The following AMY2B variants were observed in gnomAD, a reference collection of about 807,000 sequenced individuals.
AMY2B encodes the protein amylase alpha 2B.
A neutral mutation model predicts 59.3 loss-of-function variants in AMY2B; 63 were observed. The ratio of observed to expected loss-of-function variants is 1.06; its 90% CI spans 0.87 to 1.31. The LOEUF (loss-of-function observed/expected upper bound fraction) is 1.31, where lower values mean the gene tolerates loss of function less well. Among genes scored for constraint, AMY2B ranks in the 50% most tolerant of loss-of-function variants. The pLI is 0.00. For missense variants in AMY2B, 635 were observed against 626.7 expected, an observed-to-expected ratio of 1.01 and a Z score of -0.14; for synonymous variants, 180 against 198.1, an observed-to-expected ratio of 0.91 and a Z score of 0.77.
At chr1:103,574,174 G>A (rs774089296) in intron 4 of AMY2B, 86 bp from the exon 5 acceptor site, 1 of 1,572,508 alleles carries the variant, frequency 6.4e-7, no homozygotes, top group East Asian at 2.3e-5. Context: ...ATAGCTTAAA[G>A]CTATCTTTTA....
upstream of AMY2B, chr1:103,569,660 G>T: frequency 1.3e-5 from 5 of 387,198 alleles, no homozygotes; most frequent in South Asian, 1.1e-4. Flanking sequence ...CATCATCGGT[G>T]CCCCCGGCAC....
chr1:103,577,872 A>G (rs1652427306), intron 9 of AMY2B, 27 bp downstream of exon 9: 1 of 1,597,864 alleles, frequency 6.3e-7, no homozygotes. Flanking sequence ...TAAAAATAAT[A>G]TTTTGTACCT....
chr1:103,570,427 T>C (rs1238032235), upstream of AMY2B: 2 of 875,712 alleles, frequency 2.3e-6, no homozygotes, highest in Non-Finnish European at 3.8e-6. Flanking sequence ...CGCAAAGACC[T>C]GTAGGCCAAC....
At chr1:103,557,975 C>A (rs907462258) in intron 1 of AMY2B, among the ~76,000 whole-genome samples, 1 of 152,094 alleles carries the variant, frequency 6.6e-6, no homozygotes, top group Admixed American at 6.5e-5. Context: ...TATTTAAACT[C>A]GCATTTCTTA....
In AMY2B at chr1:103,572,244, T is replaced by C. The variant is rs774146043; in HGVS notation, c.303T>C (p.Cys101=). 5.6e-6 allele frequency: 9 copies of C among 1,611,186 alleles called. No homozygotes were observed. In the East Asian group the frequency reaches 6.7e-5, roughly 12 times the overall value. ...EDEFRNMVTR[C]NNVGVRIYVD... is the part of the protein sequence containing the mutation. ...AATTTAGAAACATGGTGACTAGATG[T>C]AACAATGTTGGGGTAAGTGAATTCT... The change falls in exon 2 of 10, where the codon TGT becomes TGC. Residue 101 remains cysteine, a synonymous_variant. Transcript: ENST00000684275.
At chr1:103,564,588 T>C (rs186726357) in intron 1 of AMY2B, among the ~76,000 whole-genome samples, 5 of 152,250 alleles carry the variant, frequency 3.3e-5, no homozygotes, top group African/African-American at 1.2e-4. Context: ...ATCCAATATC[T>C]TTTTTGGTAT....
At position 103,566,246 on chromosome 1, in the gene AMY2B, G is replaced by A. The variant is rs561726844; in HGVS notation, c.-47+652G>A. On this transcript the variant is annotated intron_variant, in intron 2 of 11. Transcript: ENST00000361355. Reference sequence around the variant, plus strand: ...CAATTAAATCCTGAAGCACTTAATCGTAACCCTCTTAAAACTATGTTCATA... The same window carrying A: ...CAATTAAATCCTGAAGCACTTAATCATAACCCTCTTAAAACTATGTTCATA... Among the ~76,000 whole-genome samples the A allele has an allele frequency of 1.0e-3, 156 of 152,166 alleles. 1 individual carries two copies. The highest frequency in any genetic ancestry group is 3.3e-3 in the African/African-American group (138 of 41,526).
intron 1 of AMY2B, chr1:103,564,978 T>C (rs1356151126): frequency 6.6e-6 from 1 of 152,138 alleles, no homozygotes; most frequent in Non-Finnish European, 1.5e-5. Flanking sequence ...ATTTGACTCT[T>C]TATATTCTCT....
In AMY2B at chr1:103,577,723, C is replaced by T; in HGVS notation, c.1224C>T (p.Asn408=). ...VCEHRWRQIR[N]MVNFRNVVDG... The stretch of plus-strand genomic sequence containing the variant: ...TTATATGGTATTGTGTTTTTAGGAA[C>T]ATGGTTAATTTCCGCAATGTAGTGG... Residue 408 remains asparagine, a synonymous_variant, in exon 9 of 10, where the codon AAC becomes AAT. Transcript: ENST00000684275. The T allele has an allele frequency of 1.9e-6, 3 of 1,611,620 alleles. No individual in the cohort carries two copies. The Admixed American group carries it at 5.0e-5, about 27-fold the overall frequency.
At chr1:103,572,430 G>A (rs560470384) in intron 2 of AMY2B, among the ~76,000 whole-genome samples, 174 bp downstream of exon 2, 1 of 152,058 alleles carries the variant, frequency 6.6e-6, no homozygotes, top group African/African-American at 2.4e-5. Flanking sequence ...AAATATTTGT[G>A]TATGTGCTCT....
rs777289283 is a variant in AMY2B, at chr1:103,573,951, A to G, written c.744+13A>G. 2.5e-6 allele frequency: 4 copies of G among 1,613,518 alleles called. No homozygotes were observed. The highest frequency in any genetic ancestry group is 1.7e-5 in the Admixed American group (1 of 59,980). Reference sequence around the variant, plus strand: ...CATTTACCAGGAGGTACATCAATACATATATGCATATAAAATATCATCTTA... The same window carrying G: ...CATTTACCAGGAGGTACATCAATACGTATATGCATATAAAATATCATCTTA... On this transcript the variant is annotated intron_variant, in intron 4 of 9. Coordinates refer to ENST00000684275, the MANE Select transcript of AMY2B (RefSeq NM_001387437.1).
chr1:103,577,942 C>A, intron 9 of AMY2B, 97 bp downstream of exon 9: 1 of 1,569,232 alleles, frequency 6.4e-7, no homozygotes, highest in South Asian at 1.2e-5. Flanking sequence ...TCTGAAAAAT[C>A]ATGTAGTCAG....
At position 103,558,090 on chromosome 1, in the gene AMY2B, C is replaced by T. The variant is rs139011323; in HGVS notation, c.-207+2981C>T. ...CTATTGTTCATAAATATTAGTGATC[C>T]GCCCTGCAAATGAAATACTCCCATC... On this transcript the variant is annotated intron_variant, in intron 1 of 11. Coordinates refer to the AMY2B transcript ENST00000361355. Among the ~76,000 whole-genome samples, 1,184 of 152,034 alleles carry T rather than the reference C, an allele frequency of 7.8e-3. 21 individuals are homozygous for T. Among genetic ancestry groups the T allele is most frequent in the African/African-American group, 0.028 (1,151 of 41,452 alleles).
At chr1:103,557,385 T>A (rs1651590215) in intron 1 of AMY2B, among the ~76,000 whole-genome samples, 1 of 152,136 alleles carries the variant, frequency 6.6e-6, no homozygotes, top group African/African-American at 2.4e-5. Context: ...GTGCAGTGGC[T>A]CACGGCTGTA....
chr1:103,563,490 T>G (rs984763973), intron 1 of AMY2B, among the ~76,000 whole-genome samples: 8 of 152,126 alleles, frequency 5.3e-5, no homozygotes, highest in African/African-American at 1.9e-4. Flanking sequence ...AGATTTTTAT[T>G]TCAGAAGACA....
chr1:103,576,241 C>G (rs1484619699), intron 7 of AMY2B, among the ~76,000 whole-genome samples: 1 of 152,152 alleles, frequency 6.6e-6, no homozygotes, highest in Non-Finnish European at 1.5e-5. Context: ...AGATCTAAAG[C>G]AGAAATTCCT....
At chr1:103,567,119 G>A (rs1490336320), upstream of AMY2B, among the ~76,000 whole-genome samples, 2 of 152,044 alleles carry the variant, frequency 1.3e-5, no homozygotes, top group African/African-American at 4.8e-5. Flanking sequence ...ATACAACAGA[G>A]GAGCTAACTA....
chr1:103,574,021 A>G (rs1652245817), intron 4 of AMY2B, 83 bp downstream of exon 4: 8 of 1,606,074 alleles, frequency 5.0e-6, no homozygotes, highest in Admixed American at 1.7e-5. Flanking sequence ...TGCAATTTCT[A>G]TAGGATAAGG....
chr1:103,575,348 A>G lies in AMY2B; in HGVS notation c.1001+3A>G. 6.2e-7 allele frequency: 1 copy of G among 1,613,400 alleles called. No individual in the cohort carries two copies. On this transcript the variant is annotated splice_donor_region_variant and intron_variant, in intron 6 of 9. Transcript: ENST00000684275. ...ATTCTTACCTTCTGGGATGCTAGGT[A>G]GAAAACCAAGTTCTCTATTTTTTTT...
Sources: allele counts gnomAD v4.1 joint callset (sites outside exome capture counted in the v4.1 genomes callset), GRCh38; gene constraint gnomAD v4.1.1; transcripts MANE v1.5; gene names NCBI Gene and HGNC (gene_info 2026-07-23, HGNC 2026-07-21).